The following FBLN1 variants were observed in gnomAD, a reference collection of about 807,000 sequenced individuals.
FBLN1 encodes fibulin-1.
A neutral mutation model predicts 89.7 loss-of-function variants in FBLN1; 34 were observed. The observed-to-expected ratio is 0.38, with a 90% CI of 0.29 to 0.50. The LOEUF is 0.50. FBLN1 is among the 20% of genes least tolerant of loss of function. FBLN1 has a pLI of 0.92. For synonymous variants in FBLN1, 393 were observed against 391.3 expected (o/e 1.00, Z -0.05); for missense variants, 777 against 988.1 (o/e 0.79, Z 2.86).
At position 45,543,506 on chromosome 22, in the gene FBLN1, T is replaced by C. The variant is rs776459410; in HGVS notation, c.1301T>C (p.Val434Ala). The C allele has an allele frequency of 1.2e-6, 2 of 1,613,632 alleles. No individual in the cohort carries two copies. Among genetic ancestry groups the C allele is most frequent in the Non-Finnish European group, 1.7e-6 (2 of 1,179,984 alleles). Residue 434 changes from valine to alanine, a missense_variant, in exon 11 of 17, where the codon GTG becomes GCG. By Grantham distance (64) the Val-to-Ala change is moderately conservative. Coordinates refer to ENST00000327858, the MANE Select transcript of FBLN1 (RefSeq NM_006486.3). Reference protein sequence around the residue: ...CSCSVGFRLSVDGRSCEDINE... With the variant: ...CSCSVGFRLSADGRSCEDINE... Reference sequence around the variant, plus strand: ...TGTTCCGTGGGCTTCCGGCTCTCTGTGGATGGCAGGTCATGTGAAGGTGAG... The same window carrying C: ...TGTTCCGTGGGCTTCCGGCTCTCTGCGGATGGCAGGTCATGTGAAGGTGAG...
chr22:45,576,234 AC>A lies in FBLN1; in HGVS notation c.1841-742del, dbSNP rs529901098. Among the ~76,000 whole-genome samples, 6 of 152,358 alleles carry A rather than the reference AC, an allele frequency of 3.9e-5. No individual in the cohort carries two copies. The highest frequency in any genetic ancestry group is 2.6e-4 in the Admixed American group (4 of 15,312). On this transcript the variant is annotated intron_variant, in intron 15 of 16. Transcript: ENST00000327858. This position sits in a 1 kb window ranked among gnomAD's most constrained non-coding sequence, Gnocchi z 5.2. ...ATGATGGGGTTTCACCAAACCACAT[AC>A]AAATCCTTCCCAAATCCCCAGTGGC... is the stretch of plus-strand genomic sequence containing the variant.
At chr22:45,519,029 T>C (rs1168336615) in intron 2 of FBLN1, among the ~76,000 whole-genome samples, 2 of 134,942 alleles carry the variant, frequency 1.5e-5, no homozygotes, top group Non-Finnish European at 3.2e-5. Context: ...TCTCTTTCAC[T>C]GGGCTGGGAG....
intron 1 of FBLN1, among the ~76,000 whole-genome samples, chr22:45,512,493 G>A (rs2088114413): frequency 1.3e-5 from 2 of 152,154 alleles, no homozygotes; most frequent in Admixed American, 1.3e-4. Flanking sequence ...TTGATGAGCA[G>A]GTGGATAGGA....
intron 1 of FBLN1, among the ~76,000 whole-genome samples, chr22:45,505,495 C>T (rs1238059473): frequency 6.6e-6 from 1 of 152,236 alleles, no homozygotes; most frequent in African/African-American, 2.4e-5. Flanking sequence ...GCTCCTGGCC[C>T]TGCTGAGTGC....
At chr22:45,519,206 C>T (rs922741921) in intron 2 of FBLN1, among the ~76,000 whole-genome samples, 3 of 152,242 alleles carry the variant, frequency 2.0e-5, no homozygotes, top group South Asian at 2.1e-4. Flanking sequence ...CAGAGTGAAG[C>T]GTTCCACCAG....
In FBLN1 at chr22:45,518,672, C is replaced by T; in HGVS notation, c.80-10C>T. 6.3e-7 allele frequency: 1 copy of T among 1,589,988 alleles called. No homozygotes were observed. Among genetic ancestry groups the T allele is most frequent in the South Asian group, 1.1e-5 (1 of 87,040 alleles). On this transcript the variant is annotated splice_polypyrimidine_tract_variant and intron_variant, in intron 1 of 16. Transcript: ENST00000327858. ...GAGCCACCTCTCAGCTTGTTCTCTT[C>T]CCTGCACAGTGGACGCGGATGTCCT...
intron 14 of FBLN1, among the ~76,000 whole-genome samples, chr22:45,564,407 A>G (rs1169039760): frequency 6.6e-6 from 1 of 152,248 alleles, no homozygotes; most frequent in East Asian, 1.9e-4. Context: ...TGCCTAATTT[A>G]GTCCTTGCAT....
chr22:45,520,816 C>A (rs1312760732), intron 2 of FBLN1, among the ~76,000 whole-genome samples: 1 of 151,890 alleles, frequency 6.6e-6, no homozygotes, highest in Non-Finnish European at 1.5e-5. Context: ...TTGGAGTTAT[C>A]TTTTTTCTTT....
chr22:45,587,959 C>T (rs951157191), intron 16 of FBLN1, among the ~76,000 whole-genome samples: 2 of 152,050 alleles, frequency 1.3e-5, no homozygotes, highest in African/African-American at 2.4e-5. Context: ...ATTCTCCCAA[C>T]GAGTAATGTG....
chr22:45,557,358 A>G lies in FBLN1; in HGVS notation c.1697+6743A>G, dbSNP rs1475721061. ...AAACCTCTGCCATTTCCATGATGGA[A>G]GAGGTCCAGTATAATCAACCTGCCA... On this transcript the variant is annotated intron_variant, in intron 14 of 16. Coordinates refer to ENST00000327858, the MANE Select transcript of FBLN1 (RefSeq NM_006486.3). This position sits in a 1 kb window ranked among gnomAD's most constrained non-coding sequence, Gnocchi z 4.9. 6.6e-6 allele frequency among the ~76,000 whole-genome samples: 1 copy of G among 152,202 alleles called. No individual in the cohort carries two copies. Among genetic ancestry groups the G allele is most frequent in the African/African-American group, 2.4e-5 (1 of 41,450 alleles).
intron 1 of FBLN1, among the ~76,000 whole-genome samples, chr22:45,511,151 TC>T (rs1295010798): frequency 1.5e-5 from 2 of 136,062 alleles, no homozygotes; most frequent in Non-Finnish European, 3.1e-5. Flanking sequence ...TCATCAATCT[TC>T]CCCCATTTTT....
At chr22:45,514,262 A>G (rs1029874451) in intron 1 of FBLN1, among the ~76,000 whole-genome samples, 2 of 152,200 alleles carry the variant, frequency 1.3e-5, no homozygotes, top group Admixed American at 6.5e-5. Flanking sequence ...TTGGAACCCA[A>G]GTTAATGACG....
intron 14 of FBLN1, among the ~76,000 whole-genome samples, chr22:45,551,934 G>A (rs1482320205): frequency 6.6e-6 from 1 of 152,248 alleles, no homozygotes; most frequent in Non-Finnish European, 1.5e-5. Flanking sequence ...CTTTCGAAGA[G>A]GGGGAGGCTG....
rs570173451 is a variant in FBLN1, at chr22:45,506,848, G to A, written c.79+3784G>A. ...GAGCACTGGGCACCTGGTCAGGGCC[G>A]CCTTCCAGGTGAAGTTTATTAGAAC... is the stretch of plus-strand genomic sequence containing the variant. On this transcript the variant is annotated intron_variant, in intron 1 of 16. Transcript: ENST00000327858. 4.6e-5 allele frequency among the ~76,000 whole-genome samples: 7 copies of A among 152,354 alleles called. No homozygotes were observed. The East Asian group carries it at 1.3e-3, about 29-fold the overall frequency.
chr22:45,523,358 C>T (rs771598083), intron 2 of FBLN1, among the ~76,000 whole-genome samples: 14 of 152,140 alleles, frequency 9.2e-5, no homozygotes, highest in Non-Finnish European at 1.6e-4. Flanking sequence ...GCTGGACACC[C>T]TGAGGTGCCT....
In FBLN1 at chr22:45,560,022, C is replaced by T. The variant is rs117459471; in HGVS notation, c.1697+9407C>T. ...GTCCACTTGATCTAGAAGTTTTCGG[C>T]TTATACAAATCAAGTAGGAATGCAG... On this transcript the variant is annotated intron_variant, in intron 14 of 16. Transcript: ENST00000327858. 4.9e-3 allele frequency among the ~76,000 whole-genome samples: 741 copies of T among 152,262 alleles called. 3 individuals carry two copies. The highest frequency in any genetic ancestry group is 7.9e-3 in the South Asian group (38 of 4,824).
At chr22:45,558,584 G>A (rs760486448) in intron 14 of FBLN1, 82 of 158,296 alleles carry the variant, frequency 5.2e-4, no homozygotes, top group Non-Finnish European at 8.5e-4. Flanking sequence ...ACAACAGCCT[G>A]GACCTGTCAT....
rs1020234797 is a variant in FBLN1 at position 45,590,638 on chromosome 22, C to T, written c.1973-9669C>T. 2.0e-5 allele frequency among the ~76,000 whole-genome samples: 3 copies of T among 152,038 alleles called. No individual in the cohort carries two copies. The highest frequency in any genetic ancestry group is 7.2e-5 in the African/African-American group (3 of 41,390). On this transcript the variant is annotated intron_variant, in intron 16 of 16. Transcript: ENST00000327858. The surrounding 1 kb of genome is among the most constrained non-coding windows in gnomAD (Gnocchi z 4.1). ...ACGTGTTCAGGTAGATGCGACGAGG[C>T]CGGAACTGAGGCCAGGTGGGGTTGT...
Position 45,600,745 on chromosome 22 carries a change from G to T in FBLN1, c.*299G>T, listed in dbSNP as rs928256767. On this transcript the variant is annotated 3_prime_UTR_variant, in exon 17 of 17. Coordinates refer to ENST00000327858, the MANE Select transcript of FBLN1 (RefSeq NM_006486.3). ...TGGGCCTTGCTAAGGGCCAAGGAAAGAAAGACATTTTTTAGGGGGCAGCCA... is the reference window on the plus strand; with the variant it reads ...TGGGCCTTGCTAAGGGCCAAGGAAATAAAGACATTTTTTAGGGGGCAGCCA... 1 of 432,096 alleles carries T rather than the reference G, an allele frequency of 2.3e-6. No individual in the cohort carries two copies. Among genetic ancestry groups the T allele is most frequent in the Non-Finnish European group, 4.3e-6 (1 of 232,718 alleles). The allele number at this position is 432,096 out of a possible 1,614,324, so 26.8% of individuals were successfully genotyped here.
Sources: gnomAD v4.1 joint callset for allele counts (sites outside exome capture counted in the v4.1 genomes callset) on GRCh38, gnomAD v4.1.1 for gene constraint, Gnocchi (gnomAD v3.1) non-coding constraint, MANE v1.5 for transcripts, NCBI Gene and HGNC (gene_info 2026-07-23, HGNC 2026-07-21) for gene names.